MLLT10: variants seen among roughly 807,000 people sequenced by gnomAD.
MLLT10 encodes the protein MLLT10 histone lysine methyltransferase DOT1L cofactor, also known as protein AF-10.
MLLT10 carries 30 observed loss-of-function variants against 129.1 expected under a neutral mutation model. The ratio of observed to expected loss-of-function variants is 0.23; its 90% CI spans 0.17 to 0.32. MLLT10 has a LOEUF of 0.32. MLLT10 is among the 10% of genes least tolerant of loss of function. MLLT10 has a pLI of 1.00. For missense variants in MLLT10, 1,119 were observed against 1,268.3 expected (o/e 0.88, Z 1.79); for synonymous variants, 490 against 446.4 (o/e 1.10, Z -1.23).
At chr10:21,592,836 T>C (rs1250227910) in intron 4 of MLLT10, among the ~76,000 whole-genome samples, 1 of 152,214 alleles carries the variant, frequency 6.6e-6, no homozygotes, top group East Asian at 1.9e-4. Flanking sequence ...CTTCAGTCAG[T>C]GGCTTTGGGT....
chr10:21,593,539 A>T (rs1351213295), intron 4 of MLLT10, among the ~76,000 whole-genome samples: 2 of 152,022 alleles, frequency 1.3e-5, no homozygotes, highest in Non-Finnish European at 2.9e-5. Context: ...CAAAATGGTG[A>T]TCTGTTTTGA....
intron 3 of MLLT10, among the ~76,000 whole-genome samples, chr10:21,576,281 C>T (rs1392589875): frequency 8.3e-5 from 12 of 145,440 alleles, no homozygotes; most frequent in Admixed American, 1.4e-4. Flanking sequence ...CTCGCTCTGT[C>T]GCCCAGGCTG....
chr10:21,708,792 A>G (rs2055789837), intron 13 of MLLT10: 1 of 958,510 alleles, frequency 1.0e-6, no homozygotes, highest in Non-Finnish European at 1.2e-6. Flanking sequence ...TGCAACTTTC[A>G]AAGTGTAGTA....
In MLLT10 at chr10:21,695,611, A is replaced by T. The variant is rs60511753; in HGVS notation, c.1699+13354A>T. Among the ~76,000 whole-genome samples the T allele has an allele frequency of 4.4e-4, 67 of 152,126 alleles. 1 individual carries two copies. Among genetic ancestry groups the T allele is most frequent in the African/African-American group, 1.5e-3 (63 of 41,488 alleles). Reference sequence around the variant, plus strand: ...ATTTATTTGCCATTTCTATTTTCGAAGTGTCTTGGAGGGCAGTCTAAATGT... The same window carrying T: ...ATTTATTTGCCATTTCTATTTTCGATGTGTCTTGGAGGGCAGTCTAAATGT... On this transcript the variant is annotated intron_variant, in intron 13 of 22. Transcript: ENST00000307729.
At chr10:21,644,361 G>T (rs1342873739) in intron 8 of MLLT10, among the ~76,000 whole-genome samples, 1 of 151,926 alleles carries the variant, frequency 6.6e-6, no homozygotes, top group Non-Finnish European at 1.5e-5. Context: ...GTAATTTTTT[G>T]AATATTTTCT....
rs764609343 is a variant in MLLT10 at position 21,673,932 on chromosome 10, C to G, written c.1621+13C>G. 1.7e-5 allele frequency: 26 copies of G among 1,541,464 alleles called. No homozygotes were observed. The highest frequency in any genetic ancestry group is 2.3e-5 in the Non-Finnish European group (26 of 1,147,134). On this transcript the variant is annotated intron_variant, in intron 11 of 22. Transcript: ENST00000307729. The stretch of plus-strand genomic sequence containing the variant: ...CCAGTTGGTTCAGGTAGGGGTTTGC[C>G]TATTATTATTTTTCTCCTTCACTCC...
chr10:21,626,317 G>A (rs186007598), intron 8 of MLLT10: 114 of 955,998 alleles, frequency 1.2e-4, no homozygotes, highest in Non-Finnish European at 1.6e-4. Context: ...GGCTGGGCCC[G>A]TGAGAACCAG....
intron 3 of MLLT10, among the ~76,000 whole-genome samples, chr10:21,582,465 A>G (rs2041575359): frequency 6.6e-6 from 1 of 152,102 alleles, no homozygotes; most frequent in Non-Finnish European, 1.5e-5. Flanking sequence ...TGCCTAATTT[A>G]TAAATTAAAC....
intron 15 of MLLT10, among the ~76,000 whole-genome samples, chr10:21,727,528 T>G (rs1259012394): frequency 6.6e-6 from 1 of 152,216 alleles, no homozygotes; most frequent in Non-Finnish European, 1.5e-5. Flanking sequence ...CAGCTGTGAT[T>G]CATTACTTTA....
intron 5 of MLLT10, among the ~76,000 whole-genome samples, chr10:21,600,440 A>G (rs2043416090): frequency 1.3e-5 from 2 of 152,058 alleles, no homozygotes; most frequent in South Asian, 4.1e-4. Context: ...AGAGATAGAC[A>G]CTAAGTTTTA....
At chr10:21,574,958 AC>A (rs1324299702) in intron 3 of MLLT10, among the ~76,000 whole-genome samples, 3 of 152,010 alleles carry the variant, frequency 2.0e-5, no homozygotes, top group African/African-American at 7.2e-5. Context: ...TGCATAACTT[AC>A]TGCAGTCCAG....
chr10:21,552,749 T>G (rs2037292100), intron 3 of MLLT10, among the ~76,000 whole-genome samples: 1 of 152,120 alleles, frequency 6.6e-6, no homozygotes, highest in Non-Finnish European at 1.5e-5. Context: ...GTTTATAGAT[T>G]CACTTTTCCT....
intron 2 of MLLT10, among the ~76,000 whole-genome samples, chr10:21,535,497 C>G (rs2033800036): frequency 6.6e-6 from 1 of 152,098 alleles, no homozygotes; most frequent in Non-Finnish European, 1.5e-5. Context: ...CCACCACCAG[C>G]CTAGGTGGCT....
At chr10:21,630,645 G>A (rs2046909623) in intron 8 of MLLT10, among the ~76,000 whole-genome samples, 1 of 152,214 alleles carries the variant, frequency 6.6e-6, no homozygotes, top group Non-Finnish European at 1.5e-5. Flanking sequence ...TCAGAATGGG[G>A]AACTTAGGCA....
chr10:21,535,440 C>G (rs1296507464), intron 2 of MLLT10, among the ~76,000 whole-genome samples: 4 of 152,018 alleles, frequency 2.6e-5, no homozygotes, highest in Non-Finnish European at 5.9e-5. Flanking sequence ...GCTGACCATG[C>G]GGGAGTGGCG....
chr10:21,733,686 GT>G, intron 19 of MLLT10, 81 bp from the exon 20 acceptor site: 4 of 1,506,494 alleles, frequency 2.7e-6, no homozygotes, highest in Non-Finnish European at 3.5e-6. Flanking sequence ...GTTTTGCAGT[GT>G]TCTTTAAACT....
chr10:21,691,694 CA>C (rs2053861732), intron 13 of MLLT10, among the ~76,000 whole-genome samples: 1 of 151,588 alleles, frequency 6.6e-6, no homozygotes, highest in African/African-American at 2.4e-5. Context: ...TAATTTGAAA[CA>C]AAATTTAAAA....
chr10:21,536,284 A>C (rs538593073), intron 2 of MLLT10, among the ~76,000 whole-genome samples: 7 of 152,168 alleles, frequency 4.6e-5, no homozygotes, highest in Admixed American at 1.3e-4. Flanking sequence ...TTGCTTTTTT[A>C]GGGAGTGAAT....
intron 13 of MLLT10, among the ~76,000 whole-genome samples, chr10:21,699,715 G>C (rs552518645): frequency 6.6e-6 from 1 of 151,670 alleles, no homozygotes; most frequent in Admixed American, 6.6e-5. Flanking sequence ...TTATTGCTGG[G>C]TTCTCTATTC....
Sources: gnomAD v4.1 joint callset for allele counts (sites outside exome capture counted in the v4.1 genomes callset) on GRCh38, gnomAD v4.1.1 for gene constraint, MANE v1.5 for transcripts, NCBI Gene and HGNC (gene_info 2026-07-23, HGNC 2026-07-21) for gene names.